Variants in ADAMTS20 observed in about 807,000 individuals in gnomAD.
ADAMTS20 encodes ADAM metallopeptidase with thrombospondin type 1 motif 20.
Under a neutral mutation model 260.1 loss-of-function variants are expected in ADAMTS20, and 225 were observed. The observed-to-expected ratio is 0.87, with a 90% CI of 0.78 to 0.97. The LOEUF is 0.97. Among genes scored for constraint, ADAMTS20 ranks in the 50% least tolerant of loss-of-function variants. ADAMTS20 has a pLI of 0.00. For missense variants in ADAMTS20, 2,400 were observed against 2,337.7 expected (o/e 1.03, Z -0.55); for synonymous variants, 802 against 769.5 (o/e 1.04, Z -0.70).
At chr12:43,392,513 C>T (rs1399667517) in intron 29 of ADAMTS20, among the ~76,000 whole-genome samples, 1 of 151,976 alleles carries the variant, frequency 6.6e-6, no homozygotes, top group African/African-American at 2.4e-5. Flanking sequence ...GAAGGGACTA[C>T]TACTTGGAAG....
chr12:43,412,112 A>C (rs1210831149), intron 28 of ADAMTS20, among the ~76,000 whole-genome samples: 5 of 152,232 alleles, frequency 3.3e-5, no homozygotes, highest in African/African-American at 1.2e-4. Context: ...AAATGAACCG[A>C]TGCTATGTAG....
chr12:43,405,120 G>A (rs1225577910), intron 28 of ADAMTS20, among the ~76,000 whole-genome samples: 8 of 150,588 alleles, frequency 5.3e-5, no homozygotes, highest in Non-Finnish European at 1.0e-4. Flanking sequence ...GAGGCCAGGT[G>A]GGGTGGCTCA....
chr12:43,409,601 C>CAAAAAAAA lies in ADAMTS20; in HGVS notation c.4285-10376_4285-10369dup, dbSNP rs67474640. Among the ~76,000 whole-genome samples the CAAAAAAAA allele has an allele frequency of 3.4e-3, 161 of 46,896 alleles. 12 individuals carry two copies. The highest frequency in any genetic ancestry group is 0.014 in the African/African-American group (97 of 6,958). 30.8% of individuals were successfully genotyped at this position (46,896 alleles called of 152,430 possible). A position where few individuals can be genotyped will look rare whatever the true frequency, so the allele number is the denominator to read the frequency against. The stretch of plus-strand genomic sequence containing the variant: ...TGGGCGACAGAGCGAGACTCCGTCT[C>CAAAAAAAA]AAAAAAAAAAAAAAAAAAAAAAAAA... On this transcript the variant is annotated intron_variant, in intron 28 of 38. Coordinates refer to ENST00000389420, the MANE Select transcript of ADAMTS20 (RefSeq NM_025003.5).
chr12:43,504,422 G>A (rs1942813586), intron 3 of ADAMTS20, among the ~76,000 whole-genome samples: 1 of 151,940 alleles, frequency 6.6e-6, no homozygotes, highest in Non-Finnish European at 1.5e-5. Flanking sequence ...TTTTAATATT[G>A]TTATGTTCCT....
At chr12:43,410,923 C>T (rs1399197120) in intron 28 of ADAMTS20, among the ~76,000 whole-genome samples, 2 of 152,056 alleles carry the variant, frequency 1.3e-5, no homozygotes, top group Non-Finnish European at 2.9e-5. Flanking sequence ...ACAATTGAAG[C>T]TTTATGCACT....
chr12:43,490,310 A>C, intron 7 of ADAMTS20, 85 bp downstream of exon 7: 1 of 708,894 alleles, frequency 1.4e-6, no homozygotes, highest in Non-Finnish European at 2.2e-6. Flanking sequence ...TAAAATGTAA[A>C]ATAAATGGAA....
At chr12:43,482,217 T>A (rs1237532162) in intron 7 of ADAMTS20, among the ~76,000 whole-genome samples, 1 of 152,182 alleles carries the variant, frequency 6.6e-6, no homozygotes, top group East Asian at 1.9e-4. Flanking sequence ...AGCTCCCAAA[T>A]GAGGTTTGCA....
chr12:43,402,313 T>C (rs1209205698), intron 28 of ADAMTS20, among the ~76,000 whole-genome samples: 2 of 152,132 alleles, frequency 1.3e-5, no homozygotes, highest in African/African-American at 4.8e-5. Flanking sequence ...ATATATTTAT[T>C]GGTTAAAAAA....
chr12:43,393,265 C>T (rs12813550), intron 29 of ADAMTS20, among the ~76,000 whole-genome samples: 60,344 of 151,734 alleles, frequency 0.4, 13,419 homozygotes, highest in East Asian at 0.89. Flanking sequence ...TGTCAAATTT[C>T]GTTTTTTTAA....
At chr12:43,516,188 C>G (rs1409260650) in intron 3 of ADAMTS20, among the ~76,000 whole-genome samples, 5 of 152,148 alleles carry the variant, frequency 3.3e-5, no homozygotes, top group Admixed American at 3.3e-4. Context: ...AACATATGAC[C>G]TTTACAAATT....
chr12:43,502,420 AG>A lies in ADAMTS20; in HGVS notation c.614-16del. Reference sequence around the variant, plus strand: ...TATTTGACTTTCTAGGGAGAAAAAAAGAATATAATGCAGAGCCATTAAATTG... The same window carrying A: ...TATTTGACTTTCTAGGGAGAAAAAAAAATATAATGCAGAGCCATTAAATTG... On this transcript the variant is annotated splice_polypyrimidine_tract_variant and intron_variant, in intron 3 of 38. Coordinates refer to ENST00000389420, the MANE Select transcript of ADAMTS20 (RefSeq NM_025003.5). 10 of 1,576,216 alleles carry A rather than the reference AG, an allele frequency of 6.3e-6. No homozygotes were observed. Among genetic ancestry groups the A allele is most frequent in the Non-Finnish European group, 8.5e-6 (10 of 1,170,998 alleles).
chr12:43,408,870 T>TA (rs1940969346), intron 28 of ADAMTS20, among the ~76,000 whole-genome samples: 2 of 152,194 alleles, frequency 1.3e-5, no homozygotes, highest in Non-Finnish European at 2.9e-5. Context: ...GGATTTGGTG[T>TA]CAGAGGCCTA....
At chr12:43,512,260 CAAG>C (rs575522541) in intron 3 of ADAMTS20, among the ~76,000 whole-genome samples, 199 of 148,628 alleles carry the variant, frequency 1.3e-3, no homozygotes, top group African/African-American at 4.6e-3. Flanking sequence ...AAGTGAGGAA[CAAG>C]AAGGTTAAAC....
intron 31 of ADAMTS20, among the ~76,000 whole-genome samples, chr12:43,381,089 A>T (rs572373070): frequency 2.6e-5 from 4 of 152,316 alleles, no homozygotes; most frequent in African/African-American, 7.2e-5. Flanking sequence ...CAATACATTT[A>T]TGGTCAATTG....
In ADAMTS20 at chr12:43,377,445, C is replaced by A; in HGVS notation, c.4915G>T (p.Val1639Leu). 1 of 1,613,598 alleles carries A rather than the reference C, an allele frequency of 6.2e-7. No homozygotes were observed. Among genetic ancestry groups the A allele is most frequent in the Non-Finnish European group, 8.5e-7 (1 of 1,179,714 alleles). ...LRPIVYQECP[V>L]VPSSQVYQCI... ...TGGTAAACCTGAGAGGAAGGCACCA[C>A]AGGGCATTCTTGATAAACTATAGGC... The change falls in exon 32 of 39, where the codon GTG (valine) becomes TTG (leucine). Residue 1639 changes from valine to leucine, a missense_variant. Transcript: ENST00000389420.
rs779152806 is a variant in ADAMTS20 at position 43,430,435 on chromosome 12, C to T, written c.3298G>A (p.Asp1100Asn). 2 of 1,613,046 alleles carry T rather than the reference C, an allele frequency of 1.2e-6. No homozygotes were observed. Among genetic ancestry groups the T allele is most frequent in the Admixed American group, 3.3e-5 (2 of 59,978 alleles). The change falls in exon 23 of 39, where the codon GAT (aspartate) becomes AAT (asparagine). Residue 1100 changes from aspartate to asparagine, a missense_variant. Coordinates refer to ENST00000389420, the MANE Select transcript of ADAMTS20 (RefSeq NM_025003.5). The stretch of plus-strand genomic sequence containing the variant: ...GCTAGCTCATTGACACATTTAACAT[C>T]TCGCATCTGATACCCATGTCCACAT... ...TTCGHGYQMR[D>N]VKCVNELASA...
chr12:43,505,603 G>A (rs1942830179), intron 3 of ADAMTS20, among the ~76,000 whole-genome samples: 1 of 152,018 alleles, frequency 6.6e-6, no homozygotes, highest in Non-Finnish European at 1.5e-5. Context: ...CCATAAGAAT[G>A]GCTACTATTA....
At chr12:43,500,821 C>G (rs757575823) in intron 4 of ADAMTS20, among the ~76,000 whole-genome samples, 11 of 152,056 alleles carry the variant, frequency 7.2e-5, no homozygotes, top group Non-Finnish European at 1.3e-4. Flanking sequence ...TATGGTATAA[C>G]AATAAGAATT....
chr12:43,412,766 C>T (rs867843575), intron 28 of ADAMTS20, among the ~76,000 whole-genome samples: 4 of 150,686 alleles, frequency 2.7e-5, no homozygotes, highest in African/African-American at 9.8e-5. Context: ...AGAGGTTGCC[C>T]TTAGATAGAT....
Sources: allele counts gnomAD v4.1 joint callset (sites outside exome capture counted in the v4.1 genomes callset), GRCh38; gene constraint gnomAD v4.1.1; transcripts MANE v1.5; gene names NCBI Gene and HGNC (gene_info 2026-07-23, HGNC 2026-07-21).